Variants in ARHGEF26 observed in about 807,000 individuals in gnomAD.
The protein encoded by ARHGEF26 is Rho guanine nucleotide exchange factor (GEF) 26.
In ARHGEF26, 59 loss-of-function variants were observed where a neutral mutation model predicts 89.4. The observed-to-expected ratio is 0.66, with a 90% CI of 0.54 to 0.82. The LOEUF is 0.82. ARHGEF26 is among the 40% of genes least tolerant of loss of function. ARHGEF26 has a pLI of 0.00. For synonymous variants in ARHGEF26, 500 were observed against 428.4 expected, an observed-to-expected ratio of 1.17 and a Z score of -2.06; for missense variants, 1,234 against 1,085.6, an observed-to-expected ratio of 1.14 and a Z score of -1.92.
chr3:154,207,689 G>A (rs115660895), intron 9 of ARHGEF26, among the ~76,000 whole-genome samples: 1,629 of 152,290 alleles, frequency 0.011, 22 homozygotes, highest in African/African-American at 0.037. Context: ...ACAGTGTGGT[G>A]ATTCCTTAAA....
Position 154,187,794 on chromosome 3 carries a change from T to C in ARHGEF26, c.1597T>C (p.Cys533Arg), listed in dbSNP as rs1382735944. The C allele has an allele frequency of 1.9e-6, 3 of 1,610,734 alleles. No homozygotes were observed. Among genetic ancestry groups the C allele is most frequent in the African/African-American group, 2.7e-5 (2 of 74,896 alleles). ...CACATTTGACCCATATGTGAAATACTGCACAAATGAAGTCTACCAACAACG... is the reference window on the plus strand; with the variant it reads ...CACATTTGACCCATATGTGAAATACCGCACAAATGAAGTCTACCAACAACG... The part of the protein sequence containing the change: ...ASTFDPYVKY[C>R]TNEVYQQRTL... The change falls in exon 7 of 15, where the codon TGC (cysteine) becomes CGC (arginine). Residue 533 changes from cysteine to arginine, a missense_variant. Physicochemically the swap from Cys to Arg is radical, Grantham distance 180. Coordinates refer to ENST00000465093, the MANE Select transcript of ARHGEF26 (RefSeq NM_015595.4).
In ARHGEF26 at chr3:154,152,787, A is replaced by G; in HGVS notation, c.1342A>G (p.Ile448Val). 6 of 1,528,892 alleles carry G rather than the reference A, an allele frequency of 3.9e-6. No individual in the cohort carries two copies. Among genetic ancestry groups the G allele is most frequent in the Non-Finnish European group, 4.4e-6 (5 of 1,137,092 alleles). The allele number at this position is 1,528,892 out of a possible 1,614,324, so 94.7% of individuals were successfully genotyped here. ...RKRQEAIFEV[I>V]SSEHSYLLSL... ...TTCTTACCAGGCTATCTTTGAAGTC[A>G]TATCCTCTGAACATTCATATTTACT... The change falls in exon 6 of 15, where the codon ATA becomes GTA. Residue 448 changes from isoleucine (I) to valine (V), a missense_variant. Coordinates refer to ENST00000465093, the MANE Select transcript of ARHGEF26 (RefSeq NM_015595.4).
intron 9 of ARHGEF26, among the ~76,000 whole-genome samples, chr3:154,205,081 G>T (rs1049472455): frequency 6.6e-6 from 1 of 152,098 alleles, no homozygotes; most frequent in African/African-American, 2.4e-5. Context: ...TGGAAGATCT[G>T]CCCAGTGCTG....
rs568574060 is a variant in ARHGEF26, at chr3:154,221,330, C to T, written c.1935+3372C>T. On this transcript the variant is annotated intron_variant, in intron 10 of 14. Coordinates refer to ENST00000465093, the MANE Select transcript of ARHGEF26 (RefSeq NM_015595.4). ...TATAAATAATTCAAAAGTTTGATAC[C>T]CCATTTTATTGATGGAATTGGAGAA... Among the ~76,000 whole-genome samples the T allele has an allele frequency of 1.3e-4, 20 of 152,104 alleles. 1 individual carries two copies. Among genetic ancestry groups the T allele is most frequent in the African/African-American group, 4.8e-4 (20 of 41,480 alleles).
rs57681652 is a variant in ARHGEF26 at position 154,256,330 on chromosome 3, C to T, written c.*857C>T. 1 of 903,302 alleles carries T rather than the reference C, an allele frequency of 1.1e-6. No homozygotes were observed. Among genetic ancestry groups the T allele is most frequent in the Non-Finnish European group, 1.3e-6 (1 of 755,790 alleles). The allele number at this position is 903,302 out of a possible 1,614,324, so 56.0% of individuals were successfully genotyped here. The stretch of plus-strand genomic sequence containing the variant: ...CTCTGCTTCCTAGGTTCAAGTGATT[C>T]TCCTGCCTCAGCCTCCCAAGTAGCT... On this transcript the variant is annotated 3_prime_UTR_variant, in exon 15 of 15. Transcript: ENST00000465093.
At chr3:154,182,787 G>A (rs78331560) in intron 6 of ARHGEF26, among the ~76,000 whole-genome samples, 1,618 of 152,270 alleles carry the variant, frequency 0.011, 23 homozygotes, top group African/African-American at 0.037. Context: ...AAATGAAGTT[G>A]TGACTTAAGC....
At chr3:154,121,850 C>A in intron 1 of ARHGEF26, 92 bp from the exon 2 acceptor site, 1 of 1,165,466 alleles carries the variant, frequency 8.6e-7, no homozygotes, top group Non-Finnish European at 1.2e-6. Flanking sequence ...TCCTGCGCAG[C>A]AGCAGGGGGA....
At chr3:154,152,708 G>A in intron 5 of ARHGEF26, 64 bp from the exon 6 acceptor site, 1 of 1,210,076 alleles carries the variant, frequency 8.3e-7, no homozygotes, top group Non-Finnish European at 1.1e-6. Flanking sequence ...GCAAAATTAT[G>A]AGAGCTATAT....
intron 6 of ARHGEF26, among the ~76,000 whole-genome samples, chr3:154,173,356 T>A (rs1576734995): frequency 6.6e-6 from 1 of 152,338 alleles, no homozygotes; most frequent in Middle Eastern, 3.4e-3. Context: ...TCTGCCAATT[T>A]TAATTCACCA....
At chr3:154,135,833 C>T (rs1484617270) in intron 4 of ARHGEF26, among the ~76,000 whole-genome samples, 1 of 152,136 alleles carries the variant, frequency 6.6e-6, no homozygotes, top group Admixed American at 6.5e-5. Context: ...TAGATTTTGA[C>T]TAGAGTTTTT....
intron 6 of ARHGEF26, among the ~76,000 whole-genome samples, chr3:154,170,074 A>AT (rs1712322932): frequency 6.6e-6 from 1 of 152,002 alleles, no homozygotes; most frequent in Non-Finnish European, 1.5e-5. Context: ...AAAAAAAAAA[A>AT]CAACTAGCTG....
chr3:154,157,273 TG>T (rs1720391783), intron 6 of ARHGEF26, among the ~76,000 whole-genome samples: 1 of 152,176 alleles, frequency 6.6e-6, no homozygotes, highest in South Asian at 2.1e-4. Flanking sequence ...CGTTGGTTCT[TG>T]GGACCCATGG....
At chr3:154,201,949 T>C (rs1714670087) in intron 9 of ARHGEF26, among the ~76,000 whole-genome samples, 1 of 151,520 alleles carries the variant, frequency 6.6e-6, no homozygotes, top group Non-Finnish European at 1.5e-5. Flanking sequence ...TCCCATTTTG[T>C]AGGTTGCCTG....
In ARHGEF26 at chr3:154,122,998, A is replaced by G. The variant is rs1718089486; in HGVS notation, c.1006A>G (p.Lys336Glu). 1 of 1,613,796 alleles carries G rather than the reference A, an allele frequency of 6.2e-7. No homozygotes were observed. The highest frequency in any genetic ancestry group is 8.5e-7 in the Non-Finnish European group (1 of 1,179,882). The part of the protein sequence containing the change: ...DFDSPTSSKK[K>E]NRMSQPVLKV... ...TGACAGTCCTACCAGCTCGAAGAAG[A>G]AGAACAGAATGTCCCAGCCTGTTCT... Residue 336 changes from lysine (K) to glutamate (E), a missense_variant, in exon 2 of 15, where the codon AAG (lysine) becomes GAG (glutamate). Lys to Glu is a moderately conservative substitution (Grantham distance 56). Transcript: ENST00000465093.
intron 10 of ARHGEF26, among the ~76,000 whole-genome samples, chr3:154,220,823 T>C: frequency 6.6e-6 from 1 of 152,160 alleles, no homozygotes; most frequent in Non-Finnish European, 1.5e-5. Flanking sequence ...TTAATCTATA[T>C]AAATTTTTAA....
At chr3:154,163,896 T>C (rs955402299) in intron 6 of ARHGEF26, among the ~76,000 whole-genome samples, 2 of 152,110 alleles carry the variant, frequency 1.3e-5, no homozygotes, top group African/African-American at 4.8e-5. Flanking sequence ...GGAGTTTGTA[T>C]TTATTAACTT....
At chr3:154,170,330 T>A (rs925396453) in intron 6 of ARHGEF26, among the ~76,000 whole-genome samples, 7 of 152,180 alleles carry the variant, frequency 4.6e-5, no homozygotes, top group Admixed American at 4.6e-4. Flanking sequence ...GCCACTGCAC[T>A]CCAGCCTGTG....
intron 9 of ARHGEF26, among the ~76,000 whole-genome samples, chr3:154,201,688 T>C (rs534267196): frequency 1.2e-4 from 18 of 151,540 alleles, no homozygotes; most frequent in Middle Eastern, 3.4e-3. Context: ...TTTTTAATGA[T>C]TGCCATTCTA....
chr3:154,214,538 G>C (rs556489709), intron 9 of ARHGEF26, among the ~76,000 whole-genome samples: 1 of 152,296 alleles, frequency 6.6e-6, no homozygotes, highest in African/African-American at 2.4e-5. Flanking sequence ...AGGATAGACA[G>C]TGTGGAGCCA....
Sources: allele counts gnomAD v4.1 joint callset (sites outside exome capture counted in the v4.1 genomes callset), GRCh38; gene constraint gnomAD v4.1.1; transcripts MANE v1.5; gene names NCBI Gene and HGNC (gene_info 2026-07-23, HGNC 2026-07-21).